VWA5B1: variants seen among roughly 807,000 people sequenced by gnomAD.
The protein encoded by VWA5B1 is von Willebrand factor A domain containing 5B1.
A neutral mutation model predicts 118.2 loss-of-function variants in VWA5B1; 115 were observed. That is an observed-to-expected ratio of 0.97 (90% CI 0.84 to 1.14). The LOEUF (loss-of-function observed/expected upper bound fraction) is 1.14, where lower values mean the gene tolerates loss of function less well. VWA5B1 is among the 50% of genes most tolerant of loss of function. VWA5B1 has a pLI of 0.00. For missense variants in VWA5B1, 1,596 were observed against 1,603.8 expected (o/e 1.00, Z 0.08); for synonymous variants, 682 against 658.4 (o/e 1.04, Z -0.55).
chr1:20,318,868 C>A, intron 6 of VWA5B1, 147 bp downstream of exon 6: 1 of 1,261,156 alleles, frequency 7.9e-7, no homozygotes. Flanking sequence ...GAGAGGAGAC[C>A]CACTACTTGC....
At position 20,314,377 on chromosome 1, in the gene VWA5B1, G is replaced by A; in HGVS notation, c.348G>A (p.Lys116=). Reference sequence around the variant, plus strand: ...CCCCTCATTCCTGCACACCGGGAAAGGTGACCTTGGACGAGGATTTGGAGC... The same window carrying A: ...CCCCTCATTCCTGCACACCGGGAAAAGTGACCTTGGACGAGGATTTGGAGC... ...SIAPHSCTPG[K]VTLDEDLERI... Residue 116 remains lysine, a synonymous_variant, in exon 4 of 22, where the codon AAG becomes AAA. Coordinates refer to ENST00000289815, the MANE Select transcript of VWA5B1 (RefSeq NM_001039500.3). The A allele has an allele frequency of 6.4e-7, 1 of 1,552,018 alleles. No individual in the cohort carries two copies.
Position 20,355,662 on chromosome 1 carries a change from C to T in VWA5B1, c.*1399C>T, listed in dbSNP as rs111248338. On this transcript the variant is annotated 3_prime_UTR_variant, in exon 22 of 22. Transcript: ENST00000289815. ...ACTCGTGGGGTCCTGCGGGCTCTGG[C>T]GCAAGCCCCGGCCTCAGGAAGACTC... Among the ~76,000 whole-genome samples, 18 of 152,352 alleles carry T rather than the reference C, an allele frequency of 1.2e-4. No homozygotes were observed. Among genetic ancestry groups the T allele is most frequent in the African/African-American group, 4.1e-4 (17 of 41,592 alleles).
At chr1:20,337,899 C>T in intron 14 of VWA5B1, 63 bp downstream of exon 14, 3 of 1,547,196 alleles carry the variant, frequency 1.9e-6, no homozygotes, top group Non-Finnish European at 1.7e-6. Flanking sequence ...AGAGCTGTGT[C>T]CCCTGCTTCA....
intron 21 of VWA5B1, among the ~76,000 whole-genome samples, chr1:20,353,000 G>A (rs895572492): frequency 6.6e-6 from 1 of 152,154 alleles, no homozygotes; most frequent in Non-Finnish European, 1.5e-5. Flanking sequence ...AATGGGAGAG[G>A]TCTGGTTTGG....
rs1557440643 is a variant in VWA5B1 at position 20,342,590 on chromosome 1, C to G, written c.2292C>G (p.Ser764Arg). Reference protein sequence around the residue: ...WSPVRERTSDSRSPGDLEPSH... With the variant: ...WSPVRERTSDRRSPGDLEPSH... ...CTGTGAGAGAGCGGACTTCTGACAG[C>G]CGAAGCCCTGGAGATCTGGGTAAGT... Residue 764 changes from serine (S) to arginine (R), a missense_variant, in exon 15 of 22, where the codon AGC becomes AGG. Ser to Arg is a moderately radical substitution (Grantham distance 110, BLOSUM62 -1). Transcript: ENST00000289815. The G allele has an allele frequency of 6.7e-7, 1 of 1,498,128 alleles. No homozygotes were observed. Among genetic ancestry groups the G allele is most frequent in the Non-Finnish European group, 8.9e-7 (1 of 1,124,028 alleles). The allele number at this position is 1,498,128 out of a possible 1,614,324, so 92.8% of individuals were successfully genotyped here.
Position 20,345,602 on chromosome 1 carries a change from G to A in VWA5B1, c.2764+9G>A. The A allele has an allele frequency of 6.5e-7, 1 of 1,540,082 alleles. No individual in the cohort carries two copies. The highest frequency in any genetic ancestry group is 1.2e-5 in the South Asian group (1 of 82,494). ...GGAGTACCCCAACTCTGGTAAGGCAGGCGAGCGGCCGGGGGCACTCCTGGG... is the reference window on the plus strand; with the variant it reads ...GGAGTACCCCAACTCTGGTAAGGCAAGCGAGCGGCCGGGGGCACTCCTGGG... On this transcript the variant is annotated intron_variant, in intron 17 of 21. Transcript: ENST00000289815.
intron 14 of VWA5B1, among the ~76,000 whole-genome samples, chr1:20,339,435 G>T (rs570013053): frequency 3.6e-4 from 55 of 152,174 alleles, no homozygotes; most frequent in Admixed American, 6.5e-4. Context: ...CCAGCTACTC[G>T]GGAGGCTGAG....
At chr1:20,296,979 G>A (rs188222603) in intron 1 of VWA5B1, among the ~76,000 whole-genome samples, 31 of 152,300 alleles carry the variant, frequency 2.0e-4, no homozygotes, top group African/African-American at 6.0e-4. Flanking sequence ...TGCCTGCCTC[G>A]CCTCAGGTCG....
intron 4 of VWA5B1, among the ~76,000 whole-genome samples, chr1:20,315,664 C>CA (rs1422510377): frequency 1.3e-5 from 2 of 152,182 alleles, no homozygotes. Flanking sequence ...GTCACAAGTG[C>CA]AAAGGCCCTG....
At position 20,323,519 on chromosome 1, in the gene VWA5B1, T is replaced by C. The variant is rs1230126250; in HGVS notation, c.1130T>C (p.Met377Thr). Residue 377 changes from methionine (M) to threonine (T), a missense_variant, in exon 8 of 22, where the codon ATG becomes ACG. Transcript: ENST00000289815. ...AGCAGCAGCATGAGCGGGATCAGCA[T>C]GCACCGAGTCAAGGTACCTGCTGAG... is the stretch of plus-strand genomic sequence containing the variant. ...DRSSSMSGIS[M>T]HRVKDAMLVA... 5 of 1,480,158 alleles carry C rather than the reference T, an allele frequency of 3.4e-6. No homozygotes were observed. Among genetic ancestry groups the C allele is most frequent in the Non-Finnish European group, 4.5e-6 (5 of 1,112,030 alleles). 91.7% of individuals were successfully genotyped at this position (1,480,158 alleles called of 1,614,324 possible). A position where few individuals can be genotyped will look rare whatever the true frequency, so the allele number is the denominator to read the frequency against.
chr1:20,296,085 A>G (rs188168646), intron 1 of VWA5B1, among the ~76,000 whole-genome samples: 6 of 152,168 alleles, frequency 3.9e-5, no homozygotes, highest in African/African-American at 1.2e-4. Context: ...CTGGTCTCGA[A>G]CTCCTGACCT....
In VWA5B1 at chr1:20,291,055, T is replaced by G. The variant is rs1557821545; in HGVS notation, c.-60T>G. The G allele has an allele frequency of 6.6e-6, 1 of 152,064 alleles. No homozygotes were observed. The highest frequency in any genetic ancestry group is 1.5e-5 in the Non-Finnish European group (1 of 68,066). 9.4% of individuals were successfully genotyped at this position (152,064 alleles called of 1,614,324 possible). A position where few individuals can be genotyped will look rare whatever the true frequency, so the allele number is the denominator to read the frequency against. ...TCACTGTGGCAGTGGAGAGACAGAG[T>G]GTGTACCCAGACACGTGTTGCTTCT... On this transcript the variant is annotated 5_prime_UTR_variant, in exon 1 of 22. Coordinates refer to ENST00000289815, the MANE Select transcript of VWA5B1 (RefSeq NM_001039500.3).
intron 9 of VWA5B1, 34 bp downstream of exon 9, chr1:20,328,034 G>A (rs1225578448): frequency 7.2e-6 from 11 of 1,533,406 alleles, no homozygotes; most frequent in Non-Finnish European, 9.7e-6. Flanking sequence ...CCAGGAGGGT[G>A]GTGCATGGTG....
chr1:20,342,961 A>G, intron 15 of VWA5B1, 118 bp from the exon 16 acceptor site: 5 of 1,435,860 alleles, frequency 3.5e-6, no homozygotes, highest in Non-Finnish European at 4.6e-6. Flanking sequence ...CCCTGGGGAG[A>G]TGGAGTGGGT....
chr1:20,315,187 A>G (rs1331081295), intron 4 of VWA5B1, among the ~76,000 whole-genome samples: 1 of 152,236 alleles, frequency 6.6e-6, no homozygotes, highest in Admixed American at 6.5e-5. Flanking sequence ...ATGTAGGCAC[A>G]GAGAAGAGCG....
At chr1:20,336,212 C>A in intron 12 of VWA5B1, 91 bp from the exon 13 acceptor site, 1 of 1,157,784 alleles carries the variant, frequency 8.6e-7, no homozygotes, top group Non-Finnish European at 1.1e-6. Context: ...ATGAAAACCG[C>A]ACCACCTCTG....
At chr1:20,340,615 C>T (rs923476030) in intron 14 of VWA5B1, among the ~76,000 whole-genome samples, 2 of 152,216 alleles carry the variant, frequency 1.3e-5, no homozygotes, top group Non-Finnish European at 2.9e-5. Context: ...CGCCCTCATC[C>T]CCTCCCCCTA....
At chr1:20,297,848 C>T (rs1273429072) in intron 1 of VWA5B1, among the ~76,000 whole-genome samples, 1 of 152,196 alleles carries the variant, frequency 6.6e-6, no homozygotes, top group African/African-American at 2.4e-5. Flanking sequence ...TCAGTCTCCT[C>T]CTGATCCTTA....
chr1:20,322,840 A>C (rs1348899641), intron 7 of VWA5B1, among the ~76,000 whole-genome samples: 1 of 152,186 alleles, frequency 6.6e-6, no homozygotes, highest in African/African-American at 2.4e-5. Flanking sequence ...GAAATTGGGG[A>C]AGCCTTTCCA....
Sources: gnomAD v4.1 joint callset for allele counts (sites outside exome capture counted in the v4.1 genomes callset) on GRCh38, gnomAD v4.1.1 for gene constraint, MANE v1.5 for transcripts, NCBI Gene and HGNC (gene_info 2026-07-23, HGNC 2026-07-21) for gene names.